The following ACSL6 variants were observed in gnomAD, a reference collection of about 807,000 sequenced individuals.
ACSL6 encodes the protein long-chain-fatty-acid--CoA ligase 6.
Under a neutral mutation model 98.2 loss-of-function variants are expected in ACSL6, and 47 were observed. That is an observed-to-expected ratio of 0.48 (90% CI 0.38 to 0.61). The LOEUF is 0.61. ACSL6 is among the 20% of genes least tolerant of loss of function. ACSL6 has a pLI of 0.00. For synonymous variants in ACSL6, 362 were observed against 336.9 expected (o/e 1.07, Z -0.82); for missense variants, 761 against 913.4 (o/e 0.83, Z 2.15).
chr5:132,011,990 C>T, upstream of ACSL6: 1 of 1,496,642 alleles, frequency 6.7e-7, no homozygotes, highest in Admixed American at 2.1e-5. This position sits in a 1 kb window ranked among gnomAD's most constrained non-coding sequence, Gnocchi z 5.4. Context: ...GCCCACCCCG[C>T]CGCCACCCAC....
chr5:131,999,379 G>C (rs997289634), intron 1 of ACSL6: 4 of 152,272 alleles, frequency 2.6e-5, no homozygotes, highest in Admixed American at 6.5e-5. Context: ...GGGGCTCAAA[G>C]ACAACTTGCA....
At chr5:131,964,390 A>T (rs1050870885) in intron 17 of ACSL6, among the ~76,000 whole-genome samples, 3 of 152,272 alleles carry the variant, frequency 2.0e-5, no homozygotes, top group African/African-American at 7.2e-5. Flanking sequence ...AATAAATTTT[A>T]ATTAAATTTC....
intron 1 of ACSL6, among the ~76,000 whole-genome samples, chr5:131,995,801 C>T (rs1414781892): frequency 1.3e-5 from 2 of 152,208 alleles, no homozygotes; most frequent in Non-Finnish European, 2.9e-5. Context: ...TGAGCCTATC[C>T]TTCTTCTCTG....
At chr5:131,986,568 T>C (rs1252504838) in intron 8 of ACSL6, among the ~76,000 whole-genome samples, 1 of 152,240 alleles carries the variant, frequency 6.6e-6, no homozygotes. Context: ...CCAAAGAAGT[T>C]ACTTGAAGAA....
chr5:131,971,695 T>C (rs1580645771), intron 13 of ACSL6, 50 bp from the exon 14 acceptor site: 4 of 1,496,450 alleles, frequency 2.7e-6, no homozygotes, highest in Non-Finnish European at 1.8e-6. Flanking sequence ...TGAGATGGTG[T>C]CCAGTCCATC....
At chr5:131,978,040 T>C (rs1753710077) in intron 9 of ACSL6, among the ~76,000 whole-genome samples, 1 of 152,242 alleles carries the variant, frequency 6.6e-6, no homozygotes, top group South Asian at 2.1e-4. Context: ...TTGTGCTCCC[T>C]GCAGCTGGGA....
intron 16 of ACSL6, among the ~76,000 whole-genome samples, chr5:131,967,692 A>AT (rs1561781249): frequency 1.3e-5 from 2 of 148,670 alleles, no homozygotes; most frequent in African/African-American, 4.9e-5. Flanking sequence ...AATAATAATA[A>AT]TAATAATTAA....
At chr5:131,979,045 C>T (rs989846500) in intron 9 of ACSL6, among the ~76,000 whole-genome samples, 1 of 152,184 alleles carries the variant, frequency 6.6e-6, no homozygotes, top group East Asian at 1.9e-4. Context: ...AAAATATCTT[C>T]CTTTTGAAAA....
chr5:131,994,364 G>A, intron 1 of ACSL6, 113 bp from the exon 2 acceptor site: 1 of 903,998 alleles, frequency 1.1e-6, no homozygotes, highest in Non-Finnish European at 1.7e-6. Context: ...AGGCCCTCGG[G>A]GAGTTGGGAT....
intron 7 of ACSL6, 27 bp from the exon 8 acceptor site, chr5:131,986,881 A>G (rs753697088): frequency 3.1e-6 from 5 of 1,613,716 alleles, no homozygotes; most frequent in South Asian, 1.1e-5. Flanking sequence ...CTGTTTTTAA[A>G]TGCTCAAAAG....
chr5:131,988,940 G>A (rs748391667), intron 5 of ACSL6, 36 bp from the exon 6 acceptor site: 7 of 1,591,138 alleles, frequency 4.4e-6, no homozygotes, highest in African/African-American at 4.0e-5. Flanking sequence ...GGGGAAGAAG[G>A]GGAGATTAGA....
chr5:131,966,676 G>T, intron 16 of ACSL6, 144 bp from the exon 17 acceptor site: 1 of 735,280 alleles, frequency 1.4e-6, no homozygotes. Flanking sequence ...CAGAGGACAA[G>T]GAACAGCCAG....
At chr5:131,989,879 CCA>C (rs1369288318) in intron 4 of ACSL6, among the ~76,000 whole-genome samples, 15 of 152,196 alleles carry the variant, frequency 9.9e-5, no homozygotes, top group African/African-American at 3.6e-4. Context: ...CAGGCATGAG[CCA>C]CCACGCCCAG....
chr5:131,990,838 C>G lies in ACSL6; in HGVS notation c.385+15G>C, dbSNP rs562633512. The G allele has an allele frequency of 7.0e-6, 11 of 1,562,234 alleles. No homozygotes were observed. Among genetic ancestry groups the G allele is most frequent in the South Asian group, 4.5e-5 (4 of 89,240 alleles). ...CACACAGCCCCTCCACACCCCCCCCCACAACCCTTCTCACCTGAGATGCTA... is the reference window on the plus strand; with the variant it reads ...CACACAGCCCCTCCACACCCCCCCCGACAACCCTTCTCACCTGAGATGCTA... On this transcript the variant is annotated intron_variant, in intron 3 of 20. Transcript: ENST00000651883.
chr5:131,960,226 T>C (rs1752627371), intron 19 of ACSL6, among the ~76,000 whole-genome samples: 1 of 152,092 alleles, frequency 6.6e-6, no homozygotes, highest in Non-Finnish European at 1.5e-5. Context: ...CTCGGGCAAG[T>C]TACCCCCCTC....
chr5:131,996,740 C>T (rs568071794), intron 1 of ACSL6, among the ~76,000 whole-genome samples: 26 of 152,310 alleles, frequency 1.7e-4, no homozygotes, highest in African/African-American at 4.1e-4. Context: ...TGTCTTTCAA[C>T]GCATCTGGCA....
chr5:131,950,671 A>C lies in ACSL6; in HGVS notation c.*3563T>G. The stretch of plus-strand genomic sequence containing the variant: ...CTTCACATTCATTTTAAAGTATTTT[A>C]TATTTTAAATAACTATATTGCATTT... On this transcript the variant is annotated 3_prime_UTR_variant, in exon 21 of 21. Coordinates refer to ENST00000651883, the MANE Select transcript of ACSL6 (RefSeq NM_001009185.3). 5.3e-6 allele frequency: 1 copy of C among 190,104 alleles called. No individual in the cohort carries two copies. Among genetic ancestry groups the C allele is most frequent in the East Asian group, 8.4e-5 (1 of 11,918 alleles). The allele number at this position is 190,104 out of a possible 1,614,324, so 11.8% of individuals were successfully genotyped here.
chr5:131,985,884 G>C (rs191648188), intron 8 of ACSL6, among the ~76,000 whole-genome samples: 2 of 152,212 alleles, frequency 1.3e-5, no homozygotes, highest in Non-Finnish European at 2.9e-5. Flanking sequence ...TTGGGAGCAC[G>C]TGTGGCTTGG....
chr5:131,956,522 C>T (rs1480933910), intron 20 of ACSL6, among the ~76,000 whole-genome samples: 1 of 152,186 alleles, frequency 6.6e-6, no homozygotes, highest in Non-Finnish European at 1.5e-5. Flanking sequence ...TGCTGCTAGG[C>T]TGCCAGTCCC....
Sources: gnomAD v4.1 joint callset for allele counts (sites outside exome capture counted in the v4.1 genomes callset) on GRCh38, gnomAD v4.1.1 for gene constraint, Gnocchi (gnomAD v3.1) non-coding constraint, MANE v1.5 for transcripts, NCBI Gene and HGNC (gene_info 2026-07-23, HGNC 2026-07-21) for gene names.